The following CAMTA1 variants were observed in gnomAD, a reference collection of about 807,000 sequenced individuals.
CAMTA1 encodes the protein calmodulin-binding transcription activator 1.
In CAMTA1, 27 loss-of-function variants were observed where a neutral mutation model predicts 170.9. The ratio of observed to expected loss-of-function variants is 0.16; its 90% CI spans 0.12 to 0.22. CAMTA1 has a LOEUF of 0.22. CAMTA1 is among the 10% of genes least tolerant of loss of function. The pLI is 1.00. For missense variants in CAMTA1, 1,619 were observed against 2,217.2 expected (o/e 0.73, Z 5.42); for synonymous variants, 833 against 891.5 (o/e 0.93, Z 1.17).
Position 7,570,880 on chromosome 1 carries a change from C to G in CAMTA1, c.511-69520C>G, listed in dbSNP as rs1009343050. On this transcript the variant is annotated intron_variant, in intron 6 of 22. Coordinates refer to ENST00000303635, the MANE Select transcript of CAMTA1 (RefSeq NM_015215.4). This position sits in a 1 kb window ranked among gnomAD's most constrained non-coding sequence, Gnocchi z 4.3. ...AAGCCTGGCCTCCCCCATGAACCAGCTGGGTGATGTCAGGAGGCTCCTTAA... is the reference window on the plus strand; with the variant it reads ...AAGCCTGGCCTCCCCCATGAACCAGGTGGGTGATGTCAGGAGGCTCCTTAA... 9.2e-5 allele frequency among the ~76,000 whole-genome samples: 14 copies of G among 152,328 alleles called. No homozygotes were observed. The highest frequency in any genetic ancestry group is 1.8e-4 in the Non-Finnish European group (12 of 68,030).
chr1:7,448,932 A>C (rs2092745568), intron 5 of CAMTA1, among the ~76,000 whole-genome samples: 1 of 152,232 alleles, frequency 6.6e-6, no homozygotes, highest in Non-Finnish European at 1.5e-5. Context: ...GCAGCGATCC[A>C]GGCTGTTTTG....
chr1:6,826,695 T>C (rs1647159631), intron 3 of CAMTA1, among the ~76,000 whole-genome samples: 1 of 152,244 alleles, frequency 6.6e-6, no homozygotes, highest in African/African-American at 2.4e-5. Flanking sequence ...CCTGTGGAAT[T>C]GGCAGCTTAT....
intron 5 of CAMTA1, among the ~76,000 whole-genome samples, chr1:7,390,905 A>G (rs1247761146): frequency 1.3e-5 from 2 of 152,144 alleles, no homozygotes; most frequent in Non-Finnish European, 2.9e-5. Context: ...CTACACTTTC[A>G]TGAGAAGGAG....
chr1:7,521,268 T>G (rs1213128095), intron 6 of CAMTA1, among the ~76,000 whole-genome samples: 1 of 152,214 alleles, frequency 6.6e-6, no homozygotes, highest in Non-Finnish European at 1.5e-5. Context: ...GCCCCCATTT[T>G]TAATTGAAAT....
In CAMTA1 at chr1:7,200,791, T is replaced by C. The variant is rs542010444; in HGVS notation, c.303-48700T>C. On this transcript the variant is annotated intron_variant, in intron 4 of 22. Coordinates refer to ENST00000303635, the MANE Select transcript of CAMTA1 (RefSeq NM_015215.4). ...GCCAGGTTTCTCTACTGGAAAGTAC[T>C]GTTTATTTTTTCTAATTAATAAGTA... 3.9e-4 allele frequency among the ~76,000 whole-genome samples: 60 copies of C among 152,338 alleles called. 1 individual carries two copies. The South Asian group carries it at 0.012, about 31-fold the overall frequency.
intron 6 of CAMTA1, among the ~76,000 whole-genome samples, chr1:7,523,023 C>G (rs1245492159): frequency 6.6e-6 from 1 of 152,202 alleles, no homozygotes; most frequent in Non-Finnish European, 1.5e-5. Flanking sequence ...TGCGCCACCA[C>G]GCCCAGCTAA....
chr1:6,947,377 A>AT (rs879542711), intron 3 of CAMTA1, among the ~76,000 whole-genome samples: 4,037 of 144,714 alleles, frequency 0.028, 77 homozygotes, highest in Middle Eastern at 0.061. Context: ...ATTGTCTTTA[A>AT]TTTTTTTTTT....
chr1:7,360,076 C>T (rs766762137), intron 5 of CAMTA1, among the ~76,000 whole-genome samples: 3 of 152,154 alleles, frequency 2.0e-5, no homozygotes, highest in Non-Finnish European at 4.4e-5. Flanking sequence ...TTCATCTTCA[C>T]GTGGCATTCT....
intron 5 of CAMTA1, among the ~76,000 whole-genome samples, chr1:7,395,822 G>T (rs1458287001): frequency 1.3e-5 from 2 of 151,940 alleles, no homozygotes; most frequent in East Asian, 3.9e-4. Context: ...AGGTACCTTA[G>T]TTTTTTGGTA....
At chr1:7,128,656 C>A (rs1334973009) in intron 4 of CAMTA1, among the ~76,000 whole-genome samples, 1 of 151,370 alleles carries the variant, frequency 6.6e-6, no homozygotes, top group Admixed American at 6.6e-5. Context: ...AAGGATTAGC[C>A]CTATTTTTTT....
intron 3 of CAMTA1, among the ~76,000 whole-genome samples, chr1:6,878,767 AC>A (rs1670645393): frequency 6.6e-6 from 1 of 152,208 alleles, no homozygotes; most frequent in Non-Finnish European, 1.5e-5. Flanking sequence ...ATGGCAGTTC[AC>A]CATGACCGCT....
intron 11 of CAMTA1, among the ~76,000 whole-genome samples, chr1:7,731,655 G>A (rs1009748860): frequency 6.6e-6 from 1 of 151,550 alleles, no homozygotes; most frequent in African/African-American, 2.4e-5. Flanking sequence ...GATTCCTTGA[G>A]CCCAGGAGTT....
intron 5 of CAMTA1, among the ~76,000 whole-genome samples, chr1:7,459,095 C>G (rs1481577454): frequency 6.6e-6 from 1 of 152,224 alleles, no homozygotes; most frequent in African/African-American, 2.4e-5. Flanking sequence ...GAAGACCTGA[C>G]TCTCAGCCAA....
intron 3 of CAMTA1, among the ~76,000 whole-genome samples, chr1:6,835,034 A>G (rs1320613042): frequency 2.6e-5 from 4 of 152,188 alleles, no homozygotes; most frequent in Non-Finnish European, 5.9e-5. Flanking sequence ...AGCCTTCTGG[A>G]CTGAGTGGAG....
intron 4 of CAMTA1, among the ~76,000 whole-genome samples, chr1:7,210,405 T>A (rs1294583012): frequency 6.6e-6 from 1 of 152,152 alleles, no homozygotes; most frequent in African/African-American, 2.4e-5. Context: ...AGAAGCGACA[T>A]TGGGTTGTTC....
At chr1:7,013,190 C>T (rs1260643547) in intron 3 of CAMTA1, among the ~76,000 whole-genome samples, 1 of 147,166 alleles carries the variant, frequency 6.8e-6, no homozygotes, top group Admixed American at 6.9e-5. Context: ...ATTCTCCAGG[C>T]CCTGCCTTTG....
At chr1:6,897,564 T>G (rs1675913968) in intron 3 of CAMTA1, among the ~76,000 whole-genome samples, 1 of 152,262 alleles carries the variant, frequency 6.6e-6, no homozygotes, top group Non-Finnish European at 1.5e-5. Flanking sequence ...AACTGAATGT[T>G]CTAAACATCT....
At chr1:7,265,820 G>A (rs1292047258) in intron 5 of CAMTA1, among the ~76,000 whole-genome samples, 2 of 152,204 alleles carry the variant, frequency 1.3e-5, no homozygotes, top group African/African-American at 4.8e-5. Context: ...TGGAGACCTA[G>A]ATTACTCTTA....
At chr1:7,099,602 A>G (rs559448879) in intron 4 of CAMTA1, among the ~76,000 whole-genome samples, 13 of 152,290 alleles carry the variant, frequency 8.5e-5, no homozygotes, top group Middle Eastern at 6.8e-3. Context: ...CTGAGGATTT[A>G]GCTTTCTTAC....
Sources: allele counts gnomAD v4.1 joint callset (sites outside exome capture counted in the v4.1 genomes callset), GRCh38; gene constraint gnomAD v4.1.1; non-coding constraint Gnocchi (gnomAD v3.1); transcripts MANE v1.5; gene names NCBI Gene and HGNC (gene_info 2026-07-23, HGNC 2026-07-21).